STAG1: variants seen among roughly 807,000 people sequenced by gnomAD.
STAG1 encodes STAG1 cohesin complex component.
Under a neutral mutation model 170.9 loss-of-function variants are expected in STAG1, and 26 were observed. That is an observed-to-expected ratio of 0.15 (90% CI 0.11 to 0.21). The LOEUF is 0.21. STAG1 is among the 10% of genes least tolerant of loss of function. The pLI is 1.00. For missense variants in STAG1, 964 were observed against 1,509.5 expected (o/e 0.64, Z 5.99); for synonymous variants, 514 against 497.7 (o/e 1.03, Z -0.44).
chr3:136,464,118 A>G (rs897985618), intron 13 of STAG1, among the ~76,000 whole-genome samples: 4 of 151,918 alleles, frequency 2.6e-5, no homozygotes, highest in Non-Finnish European at 5.9e-5. Flanking sequence ...ACTATGAATT[A>G]CTGATTAAAA....
intron 3 of STAG1, among the ~76,000 whole-genome samples, chr3:136,616,480 AAGAC>A (rs1205237024): frequency 6.6e-6 from 1 of 152,168 alleles, no homozygotes; most frequent in Non-Finnish European, 1.5e-5. Context: ...GAAAACAACA[AAGAC>A]AGCTTAAAAA....
At chr3:136,746,825 A>G (rs1333590630) in intron 1 of STAG1, among the ~76,000 whole-genome samples, 2 of 151,964 alleles carry the variant, frequency 1.3e-5, no homozygotes, top group African/African-American at 4.8e-5. Flanking sequence ...AGCCAGGCAC[A>G]GTGCCTCAAG....
rs887257946 is a variant in STAG1 at position 136,569,662 on chromosome 3, T to G, written c.298-801A>C. On this transcript the variant is annotated intron_variant, in intron 4 of 33. Coordinates refer to ENST00000383202, the MANE Select transcript of STAG1 (RefSeq NM_005862.3). ...GAAAACCCAGGAGTCTCTATTAAAG[T>G]GATTCAAGAGATTAATAATAGGAAA... Among the ~76,000 whole-genome samples, 5 of 152,124 alleles carry G rather than the reference T, an allele frequency of 3.3e-5. No homozygotes were observed. In the East Asian group the frequency reaches 7.7e-4, roughly 23 times the overall value.
intron 12 of STAG1, among the ~76,000 whole-genome samples, chr3:136,471,562 T>C (rs925732856): frequency 4.6e-5 from 7 of 152,142 alleles, no homozygotes; most frequent in Non-Finnish European, 1.0e-4. Context: ...CCTGCATACA[T>C]ATTTAGTTCG....
In STAG1 at chr3:136,475,138, CTTTTTTTTT is replaced by C. The variant is rs10686674; in HGVS notation, c.1027-1510_1027-1502del. On this transcript the variant is annotated intron_variant, in intron 10 of 33. Coordinates refer to ENST00000383202, the MANE Select transcript of STAG1 (RefSeq NM_005862.3). ...ACTTTCCTCACTTTTTTATAGGTTC[CTTTTTTTTT>C]TTTTTTTTTTTTTTTTGAGGCAGAG... 4.9e-4 allele frequency among the ~76,000 whole-genome samples: 37 copies of C among 76,032 alleles called. 1 individual carries two copies. In the South Asian group the frequency reaches 7.5e-3, roughly 16 times the overall value. The allele number at this position is 76,032 out of a possible 152,430, so 49.9% of individuals were successfully genotyped here.
At chr3:136,675,855 GAATA>G (rs1172221097) in intron 1 of STAG1, among the ~76,000 whole-genome samples, 1 of 152,156 alleles carries the variant, frequency 6.6e-6, no homozygotes, top group Non-Finnish European at 1.5e-5. Context: ...ATCAACTGAT[GAATA>G]AACACTCCAC....
chr3:136,457,338 A>T (rs1467333324), intron 13 of STAG1, among the ~76,000 whole-genome samples: 2 of 152,204 alleles, frequency 1.3e-5, no homozygotes, highest in Admixed American at 6.5e-5. Flanking sequence ...TATCTCAAGC[A>T]GCAGAGCATA....
intron 1 of STAG1, chr3:136,736,698 G>A: frequency 6.2e-7 from 1 of 1,603,178 alleles, no homozygotes; most frequent in Non-Finnish European, 8.5e-7. Flanking sequence ...TTTCCTTTCA[G>A]CATCTCTTTG....
chr3:136,695,394 A>T (rs1045434470), intron 1 of STAG1, among the ~76,000 whole-genome samples: 1 of 151,110 alleles, frequency 6.6e-6, no homozygotes, highest in Non-Finnish European at 1.5e-5. Flanking sequence ...CCGAGATTGC[A>T]CCACTGCACT....
At chr3:136,537,745 T>C (rs1935707681) in intron 6 of STAG1, among the ~76,000 whole-genome samples, 1 of 151,942 alleles carries the variant, frequency 6.6e-6, no homozygotes, top group South Asian at 2.1e-4. Flanking sequence ...ATCCACCCAC[T>C]TCAGACTCTC....
intron 16 of STAG1, among the ~76,000 whole-genome samples, chr3:136,427,011 G>C (rs562373576): frequency 6.6e-6 from 1 of 150,866 alleles, no homozygotes; most frequent in East Asian, 2.0e-4. Flanking sequence ...AGTGAGCCGA[G>C]ATCGCGCCAC....
intron 22 of STAG1, among the ~76,000 whole-genome samples, chr3:136,394,977 T>C (rs891129629): frequency 1.4e-5 from 2 of 146,762 alleles, no homozygotes; most frequent in African/African-American, 5.0e-5. Flanking sequence ...CTAGGCGTGG[T>C]GGCACACACT....
intron 4 of STAG1, among the ~76,000 whole-genome samples, chr3:136,590,663 G>A (rs1345105127): frequency 6.6e-6 from 1 of 152,164 alleles, no homozygotes; most frequent in African/African-American, 2.4e-5. Context: ...TCTAAGACAT[G>A]TACAAGATGA....
intron 7 of STAG1, among the ~76,000 whole-genome samples, chr3:136,503,323 G>T (rs770343730): frequency 6.6e-6 from 1 of 152,128 alleles, no homozygotes; most frequent in Non-Finnish European, 1.5e-5. Context: ...CAAACTCATT[G>T]AAGTCCATTA....
rs980136220 is a variant in STAG1, at chr3:136,647,596, C to CA, written c.-83-16616dup. Reference sequence around the variant, plus strand: ...AAGAAGAACAAAAATATTTTTCCTTCAAAAAAAAAAATAAGGAAAAAAAGA... The same window carrying CA: ...AAGAAGAACAAAAATATTTTTCCTTCAAAAAAAAAAAATAAGGAAAAAAAGA... On this transcript the variant is annotated intron_variant, in intron 1 of 33. Coordinates refer to ENST00000383202, the MANE Select transcript of STAG1 (RefSeq NM_005862.3). 1.2e-3 allele frequency among the ~76,000 whole-genome samples: 176 copies of CA among 144,544 alleles called. 1 individual carries two copies. Among genetic ancestry groups the CA allele is most frequent in the East Asian group, 5.6e-3 (28 of 5,038 alleles). 94.8% of individuals were successfully genotyped at this position (144,544 alleles called of 152,430 possible).
intron 16 of STAG1, among the ~76,000 whole-genome samples, chr3:136,427,002 G>A (rs1016277731): frequency 6.6e-6 from 1 of 151,620 alleles, no homozygotes; most frequent in South Asian, 2.1e-4. Context: ...GCAGCTTGCA[G>A]TGAGCCGAGA....
intron 22 of STAG1, among the ~76,000 whole-genome samples, chr3:136,390,913 T>C (rs567324765): frequency 3.3e-5 from 5 of 152,342 alleles, no homozygotes; most frequent in African/African-American, 1.2e-4. Context: ...TTTGTAGGAA[T>C]GCATGTTTGT....
At chr3:136,630,384 A>C (rs941870167) in intron 2 of STAG1, among the ~76,000 whole-genome samples, 6 of 149,856 alleles carry the variant, frequency 4.0e-5, no homozygotes, top group South Asian at 2.1e-4. Flanking sequence ...GTGAGCAGGG[A>C]GGGGGGGTAG....
Position 136,610,806 on chromosome 3 carries a change from G to T in STAG1, c.133-6333C>A, listed in dbSNP as rs537148562. Among the ~76,000 whole-genome samples the T allele has an allele frequency of 3.9e-5, 6 of 152,232 alleles. No homozygotes were observed. The East Asian group carries it at 1.2e-3, about 29-fold the overall frequency. ...TTCTAAGGGTTTTGACAAATGCTTG[G>T]TGTTGTGTATGCACAATTAATGGTT... On this transcript the variant is annotated intron_variant, in intron 3 of 33. Coordinates refer to ENST00000383202, the MANE Select transcript of STAG1 (RefSeq NM_005862.3).
Sources: allele counts gnomAD v4.1 joint callset (sites outside exome capture counted in the v4.1 genomes callset), GRCh38; gene constraint gnomAD v4.1.1; transcripts MANE v1.5; gene names NCBI Gene and HGNC (gene_info 2026-07-23, HGNC 2026-07-21).